The following KDM5B variants were observed in gnomAD, a reference collection of about 807,000 sequenced individuals.
The protein encoded by KDM5B is lysine demethylase 5B.
Under a neutral mutation model 193.4 loss-of-function variants are expected in KDM5B, and 144 were observed. That is an observed-to-expected ratio of 0.74 (90% CI 0.65 to 0.86). The LOEUF is 0.86. KDM5B is among the 40% of genes least tolerant of loss of function. KDM5B has a pLI of 0.00. For missense variants in KDM5B, 1,833 were observed against 1,886.9 expected, an observed-to-expected ratio of 0.97 and a Z score of 0.53; for synonymous variants, 668 against 682.6, an observed-to-expected ratio of 0.98 and a Z score of 0.33.
intron 1 of KDM5B, among the ~76,000 whole-genome samples, chr1:202,789,312 G>A (rs958879063): frequency 6.6e-6 from 1 of 151,990 alleles, no homozygotes; most frequent in Non-Finnish European, 1.5e-5. Context: ...CTTGAGGTCA[G>A]GAGTTCGAGA....
intron 1 of KDM5B, chr1:202,797,085 G>C (rs538475691): frequency 6.6e-6 from 1 of 152,440 alleles, no homozygotes; most frequent in Non-Finnish European, 1.5e-5. Context: ...ATCAGGACCA[G>C]CATCTGGGCC....
At chr1:202,774,253 T>C (rs1278181120) in intron 3 of KDM5B, among the ~76,000 whole-genome samples, 1 of 152,170 alleles carries the variant, frequency 6.6e-6, no homozygotes, top group East Asian at 1.9e-4. Context: ...TTATTTGTTC[T>C]TTCTTTTTTG....
Position 202,729,794 on chromosome 1 carries a change from T to C in KDM5B, c.4410A>G (p.Ser1470=). 1.2e-6 allele frequency: 2 copies of C among 1,614,172 alleles called. No individual in the cohort carries two copies. Among genetic ancestry groups the C allele is most frequent in the Non-Finnish European group, 1.7e-6 (2 of 1,180,000 alleles). ...CTTCCTGTTCGGAATAGGATGTGTC[T>C]GAGGGCAGGGAATGAGTTTCAGCAG... ...VRSAETHSLP[S]DTSYSEQEDS... Residue 1470 remains serine (S), a synonymous_variant, in exon 26 of 27, where the codon TCA becomes TCG. Transcript: ENST00000367265.
chr1:202,749,139 G>T lies in KDM5B; in HGVS notation c.1822C>A (p.Leu608Met). The T allele has an allele frequency of 6.2e-7, 1 of 1,606,082 alleles. No individual in the cohort carries two copies. The highest frequency in any genetic ancestry group is 1.1e-5 in the South Asian group (1 of 89,660). Reference protein sequence around the residue: ...EAVNFCTVDWLPLGRQCVEHY... With the variant: ...EAVNFCTVDWMPLGRQCVEHY... ...TCCACACACTGTCGGCCTAATGGCA[G>T]CTGTATCAAAACACGGAAAGAAAAA... is the stretch of plus-strand genomic sequence containing the variant. The change falls in exon 14 of 27, where the codon CTG becomes ATG. Residue 608 changes from leucine (L) to methionine (M), a missense_variant and splice_region_variant. Transcript: ENST00000367265.
intron 12 of KDM5B, among the ~76,000 whole-genome samples, chr1:202,751,565 G>A (rs1655793011): frequency 6.6e-6 from 1 of 152,040 alleles, no homozygotes; most frequent in Non-Finnish European, 1.5e-5. Context: ...CCCTGACTCT[G>A]CCAAACATGT....
chr1:202,779,808 T>G (rs1028699912), intron 1 of KDM5B, among the ~76,000 whole-genome samples: 9 of 45,508 alleles, frequency 2.0e-4, no homozygotes, highest in Admixed American at 1.2e-3. Flanking sequence ...GTCTCAAAAA[T>G]AAATAAATAA....
At position 202,741,530 on chromosome 1, in the gene KDM5B, G is replaced by A. The variant is rs199906256; in HGVS notation, c.2782C>T (p.Leu928=). 2 of 1,614,236 alleles carry A rather than the reference G, an allele frequency of 1.2e-6. No homozygotes were observed. The highest frequency in any genetic ancestry group is 1.7e-6 in the Non-Finnish European group (2 of 1,180,040). The stretch of plus-strand genomic sequence containing the variant: ...TCTAAAGTAAGGGAGCTGGGGTCTA[G>A]GCAAGCTTGCTGCACCTCTTCTAGC... ...RWLEEVQQAC[L]DPSSLTLDDM... The change falls in exon 19 of 27, where the codon CTA becomes TTA. Residue 928 remains leucine (L), a synonymous_variant. Coordinates refer to ENST00000367265, the MANE Select transcript of KDM5B (RefSeq NM_006618.5).
chr1:202,770,048 G>A (rs1304934201), intron 4 of KDM5B, among the ~76,000 whole-genome samples: 1 of 152,170 alleles, frequency 6.6e-6, no homozygotes, highest in Non-Finnish European at 1.5e-5. Context: ...TCTATGGTCA[G>A]CTTGGTTCTG....
chr1:202,806,820 G>T (rs1208332787), intron 1 of KDM5B: 1 of 152,204 alleles, frequency 6.6e-6, no homozygotes, highest in Non-Finnish European at 1.5e-5. Context: ...TAGAAGTGGG[G>T]GTGGGGGAAG....
chr1:202,763,658 T>G (rs1656337306), intron 6 of KDM5B, among the ~76,000 whole-genome samples: 1 of 152,194 alleles, frequency 6.6e-6, no homozygotes, highest in Non-Finnish European at 1.5e-5. Context: ...CAATTCAGAT[T>G]TAGGAAGCAT....
intron 1 of KDM5B, among the ~76,000 whole-genome samples, chr1:202,778,395 T>C (rs1198056686): frequency 6.6e-6 from 1 of 151,994 alleles, no homozygotes; most frequent in African/African-American, 2.4e-5. Flanking sequence ...GGTATAAAAA[T>C]GTGTTAATAG....
chr1:202,729,754 C>A lies in KDM5B; in HGVS notation c.4450G>T (p.Asp1484Tyr), dbSNP rs368011425. Residue 1484 changes from aspartate to tyrosine, a missense_variant, in exon 26 of 27, where the codon GAT becomes TAT. Coordinates refer to ENST00000367265, the MANE Select transcript of KDM5B (RefSeq NM_006618.5). ...YSEQEDSEDE[D>Y]AICPAVSCLQ... ...CAGCTCACAGCTGGGCAGATGGCAT[C>A]TTCATCCTCAGAGTCTTCCTGTTCG... The A allele has an allele frequency of 8.1e-6, 13 of 1,614,044 alleles. No individual in the cohort carries two copies. The highest frequency in any genetic ancestry group is 1.0e-5 in the Non-Finnish European group (12 of 1,179,996).
intron 1 of KDM5B, among the ~76,000 whole-genome samples, chr1:202,788,276 C>T (rs1657494857): frequency 2.0e-5 from 3 of 152,074 alleles, no homozygotes; most frequent in African/African-American, 7.2e-5. Context: ...TTTTAATAGT[C>T]ATTATTAAAA....
intron 14 of KDM5B, among the ~76,000 whole-genome samples, chr1:202,747,140 A>T (rs975555812): frequency 3.3e-5 from 5 of 152,134 alleles, no homozygotes; most frequent in Non-Finnish European, 7.4e-5. Flanking sequence ...CTGTATTTTA[A>T]CCTTTTAACT....
At chr1:202,750,340 G>A (rs948633211) in intron 13 of KDM5B, among the ~76,000 whole-genome samples, 12 of 152,040 alleles carry the variant, frequency 7.9e-5, no homozygotes, top group African/African-American at 2.4e-4. Context: ...GTGCAATGGC[G>A]TGATCTTGGC....
At chr1:202,731,960 T>C (rs746643391) in intron 23 of KDM5B, 21 bp from the exon 24 acceptor site, 6 of 1,513,188 alleles carry the variant, frequency 4.0e-6, no homozygotes, top group Non-Finnish European at 5.5e-6. Flanking sequence ...GAAAACGTTT[T>C]ATAATAAAAT....
intron 23 of KDM5B, 151 bp downstream of exon 23, chr1:202,733,250 G>A (rs2102214714): frequency 1.3e-6 from 1 of 748,822 alleles, no homozygotes. Flanking sequence ...ATACCTGCAT[G>A]GTCTTGAAGT....
rs1213542660 is a variant in KDM5B, at chr1:202,728,821, T to TC, written c.*214dup. 5 of 516,902 alleles carry TC rather than the reference T, an allele frequency of 9.7e-6. No individual in the cohort carries two copies. The highest frequency in any genetic ancestry group is 3.8e-5 in the African/African-American group (2 of 52,478). The allele number at this position is 516,902 out of a possible 1,614,324, so 32.0% of individuals were successfully genotyped here. A position where few individuals can be genotyped will look rare whatever the true frequency, so the allele number is the denominator to read the frequency against. ...TCAAACCTCAACAACCACAAATAGC[T>TC]CTTAAGGAAAAAATACAAAAAGTGT... On this transcript the variant is annotated 3_prime_UTR_variant, in exon 27 of 27. Transcript: ENST00000367265.
chr1:202,805,271 G>C (rs1658244425), intron 1 of KDM5B, among the ~76,000 whole-genome samples: 1 of 152,142 alleles, frequency 6.6e-6, no homozygotes, highest in Non-Finnish European at 1.5e-5. Context: ...TTCAAACTCA[G>C]ATTTGAAGTA....
Sources: allele counts gnomAD v4.1 joint callset (sites outside exome capture counted in the v4.1 genomes callset), GRCh38; gene constraint gnomAD v4.1.1; transcripts MANE v1.5; gene names NCBI Gene and HGNC (gene_info 2026-07-23, HGNC 2026-07-21).